Variants in ZDHHC21 observed in about 807,000 individuals in gnomAD.
The protein encoded by ZDHHC21 is zDHHC palmitoyltransferase 21, also known as palmitoyltransferase ZDHHC21.
In ZDHHC21, 15 loss-of-function variants were observed where a neutral mutation model predicts 34.6. The ratio of observed to expected loss-of-function variants is 0.43; its 90% CI spans 0.29 to 0.67. ZDHHC21 has a LOEUF of 0.67. Ranked by LOEUF, ZDHHC21 falls within the 30% of genes least tolerant of loss-of-function variation. The pLI is 0.14. For synonymous variants in ZDHHC21, 142 were observed against 101.8 expected, an observed-to-expected ratio of 1.40 and a Z score of -2.38; for missense variants, 344 against 327.7, an observed-to-expected ratio of 1.05 and a Z score of -0.38.
At chr9:14,593,371 T>C in the ZDHHC21 span, among the ~76,000 whole-genome samples, 6 of 152,212 alleles carry the variant, frequency 3.9e-5, no homozygotes, top group African/African-American at 1.2e-4. Flanking sequence ...AACAACTTTA[T>C]GTCAACATAT....
chr9:14,691,009 A>G (rs1479948676), intron 1 of ZDHHC21, among the ~76,000 whole-genome samples: 1 of 152,242 alleles, frequency 6.6e-6, no homozygotes, highest in African/African-American at 2.4e-5. Flanking sequence ...AACTGAATTT[A>G]GGGAACAAAC....
chr9:14,622,753 A>G lies in ZDHHC21; in HGVS notation c.622-3071T>C. On this transcript the variant is annotated intron_variant, in intron 8 of 9. Coordinates refer to ENST00000380916, the MANE Select transcript of ZDHHC21 (RefSeq NM_178566.6). ...TATGACTATCTCTTTTGAGTCTGGA[A>G]GTAAGAGCCATTGCCTCTGGACCTG... 3 of 985,208 alleles carry G rather than the reference A, an allele frequency of 3.0e-6. No homozygotes were observed. The South Asian group carries it at 1.4e-4, about 46-fold the overall frequency. 61.0% of individuals were successfully genotyped at this position (985,208 alleles called of 1,614,324 possible).
intron 8 of ZDHHC21, among the ~76,000 whole-genome samples, chr9:14,639,310 G>C (rs1007411485): frequency 3.3e-5 from 5 of 152,006 alleles, no homozygotes; most frequent in African/African-American, 1.2e-4. Context: ...CAAAAAAGCT[G>C]ATCTCATGGA....
chr9:14,600,968 C>A, the ZDHHC21 span, among the ~76,000 whole-genome samples: 89 of 152,148 alleles, frequency 5.8e-4, no homozygotes, highest in African/African-American at 1.9e-3. Flanking sequence ...CTGAAACTGA[C>A]CCCTTCCTTA....
At chr9:14,632,222 T>C (rs1225426202) in intron 8 of ZDHHC21, among the ~76,000 whole-genome samples, 3 of 152,060 alleles carry the variant, frequency 2.0e-5, no homozygotes, top group Non-Finnish European at 4.4e-5. Flanking sequence ...ATTAAGAAAG[T>C]GTGGTCCTGG....
At chr9:14,598,262 C>G in the ZDHHC21 span, among the ~76,000 whole-genome samples, 2 of 152,124 alleles carry the variant, frequency 1.3e-5, no homozygotes, top group Admixed American at 6.6e-5. Flanking sequence ...CACCTGGTGT[C>G]CTCATCTCCA....
chr9:14,643,066 C>T (rs1479284538), intron 7 of ZDHHC21, among the ~76,000 whole-genome samples: 10 of 151,902 alleles, frequency 6.6e-5, no homozygotes, highest in South Asian at 2.1e-4. Context: ...GGCGAAACCC[C>T]GTCTCTACTA....
chr9:14,603,426 T>C, the ZDHHC21 span, among the ~76,000 whole-genome samples: 1 of 152,112 alleles, frequency 6.6e-6, no homozygotes, highest in South Asian at 2.1e-4. Context: ...AAATGCATGC[T>C]ATACTTCAAG....
chr9:14,636,773 T>C (rs1012875588), intron 8 of ZDHHC21, among the ~76,000 whole-genome samples: 4 of 152,066 alleles, frequency 2.6e-5, no homozygotes, highest in African/African-American at 9.7e-5. Context: ...ACTATACAAA[T>C]ACATGGAAAT....
chr9:14,691,985 T>C (rs1839224358), intron 1 of ZDHHC21, among the ~76,000 whole-genome samples: 2 of 152,232 alleles, frequency 1.3e-5, no homozygotes, highest in Non-Finnish European at 2.9e-5. Flanking sequence ...TTGCCCTACC[T>C]GTAAACCCAC....
chr9:14,649,230 G>C (rs1222749573), intron 7 of ZDHHC21, among the ~76,000 whole-genome samples: 2 of 151,920 alleles, frequency 1.3e-5, no homozygotes, highest in Non-Finnish European at 2.9e-5. Context: ...GTTGTTAAAA[G>C]AATAGAAACA....
intron 2 of ZDHHC21, among the ~76,000 whole-genome samples, chr9:14,686,315 G>A (rs1838315041): frequency 6.6e-6 from 1 of 152,144 alleles, no homozygotes; most frequent in South Asian, 2.1e-4. Flanking sequence ...GATCAATTGG[G>A]AGCAAAGGGC....
intron 7 of ZDHHC21, among the ~76,000 whole-genome samples, chr9:14,650,787 G>GA (rs1290850189): frequency 3.3e-5 from 5 of 151,940 alleles, no homozygotes; most frequent in Non-Finnish European, 7.4e-5. Flanking sequence ...CCTAGCAGAA[G>GA]AGTTGGCTAG....
At chr9:14,670,122 A>T (rs1835192615) in intron 5 of ZDHHC21, among the ~76,000 whole-genome samples, 1 of 152,274 alleles carries the variant, frequency 6.6e-6, no homozygotes, top group South Asian at 2.1e-4. Context: ...TTTCACTAAA[A>T]GGCGATATAA....
At chr9:14,666,116 G>C (rs1240399661) in intron 5 of ZDHHC21, among the ~76,000 whole-genome samples, 1 of 145,992 alleles carries the variant, frequency 6.8e-6, no homozygotes, top group Non-Finnish European at 1.5e-5. Flanking sequence ...CTCACGTGCA[G>C]AGACACACAT....
intron 8 of ZDHHC21, among the ~76,000 whole-genome samples, chr9:14,633,766 A>T (rs1192231308): frequency 6.6e-6 from 1 of 152,140 alleles, no homozygotes; most frequent in Non-Finnish European, 1.5e-5. Flanking sequence ...CACCCACAGC[A>T]GCCATTGTGG....
In ZDHHC21 at chr9:14,613,041, G is replaced by C. The variant is rs575797717; in HGVS notation, c.*5925C>G. The C allele has an allele frequency of 6.6e-6, 1 of 151,740 alleles. No individual in the cohort carries two copies. Among genetic ancestry groups the C allele is most frequent in the African/African-American group, 2.4e-5 (1 of 41,446 alleles). The allele number at this position is 151,740 out of a possible 1,614,324, so 9.4% of individuals were successfully genotyped here. On this transcript the variant is annotated 3_prime_UTR_variant, in exon 10 of 10. Transcript: ENST00000380916. ...GCAGAAATAAAACAACTTGTGAAAA[G>C]TGCTTCAATTATCTTTTGTAATTTC... is the stretch of plus-strand genomic sequence containing the variant.
intron 6 of ZDHHC21, among the ~76,000 whole-genome samples, chr9:14,660,570 A>G (rs1162874117): frequency 6.6e-6 from 1 of 152,094 alleles, no homozygotes; most frequent in Non-Finnish European, 1.5e-5. Flanking sequence ...GCAGTGCTCT[A>G]TCAGGAAATT....
intron 4 of ZDHHC21, among the ~76,000 whole-genome samples, chr9:14,673,396 A>G (rs1835824818): frequency 6.6e-6 from 1 of 152,008 alleles, no homozygotes; most frequent in Non-Finnish European, 1.5e-5. Flanking sequence ...GATTAGTTTG[A>G]TAATTAAGAC....
Sources: allele counts gnomAD v4.1 joint callset (sites outside exome capture counted in the v4.1 genomes callset), GRCh38; gene constraint gnomAD v4.1.1; transcripts MANE v1.5; gene names NCBI Gene and HGNC (gene_info 2026-07-23, HGNC 2026-07-21).